The following ARK2N variants were observed in gnomAD, a reference collection of about 807,000 sequenced individuals.
The protein encoded by ARK2N is arkadia (RNF111) N-terminal like PKA signaling regulator 2N.
At chr18:46,175,278 C>G in the ARK2N span, among the ~76,000 whole-genome samples, 2 of 152,092 alleles carry the variant, frequency 1.3e-5, no homozygotes, top group African/African-American at 4.8e-5. Context: ...TCCTCTTACC[C>G]AGTAGAATTA....
chr18:46,229,077 T>G, the ARK2N span, among the ~76,000 whole-genome samples: 1 of 152,152 alleles, frequency 6.6e-6, no homozygotes, highest in Non-Finnish European at 1.5e-5. Context: ...TTTCCTAAAG[T>G]AAAATTTGAC....
chr18:46,250,491 T>TACACACACAC, the ARK2N span, among the ~76,000 whole-genome samples: 492 of 129,752 alleles, frequency 3.8e-3, 11 homozygotes, highest in African/African-American at 0.012. Context: ...CCTCCATTCG[T>TACACACACAC]ACACACACAC....
chr18:46,245,652 T>C, the ARK2N span, among the ~76,000 whole-genome samples: 7 of 152,036 alleles, frequency 4.6e-5, no homozygotes, highest in Non-Finnish European at 8.8e-5. Flanking sequence ...TAGTGACTTA[T>C]TTTTTTATTT....
the ARK2N span, among the ~76,000 whole-genome samples, chr18:46,176,606 C>T: frequency 6.6e-6 from 1 of 151,628 alleles, no homozygotes; most frequent in South Asian, 2.1e-4. Context: ...AGGCTCACGC[C>T]ACCACACTCA....
At chr18:46,262,926 C>T in the ARK2N span, 3 of 1,612,798 alleles carry the variant, frequency 1.9e-6, no homozygotes, top group East Asian at 2.2e-5. Context: ...ATCTCAATTG[C>T]AGGTGTGTTC....
the ARK2N span, among the ~76,000 whole-genome samples, chr18:46,178,623 T>C: frequency 1.3e-5 from 2 of 152,212 alleles, no homozygotes; most frequent in African/African-American, 4.8e-5. Flanking sequence ...ACATAACTTT[T>C]TAAAGATTTT....
chr18:46,230,597 A>G, the ARK2N span, among the ~76,000 whole-genome samples: 1 of 152,158 alleles, frequency 6.6e-6, no homozygotes, highest in African/African-American at 2.4e-5. Flanking sequence ...CCATATCCGG[A>G]CTATTGTATC....
chr18:46,185,173 G>A, the ARK2N span, among the ~76,000 whole-genome samples: 1 of 152,212 alleles, frequency 6.6e-6, no homozygotes, highest in African/African-American at 2.4e-5. Context: ...ACAAATATCA[G>A]ATATTGATTA....
chr18:46,215,705 G>C, the ARK2N span: 3 of 549,994 alleles, frequency 5.5e-6, no homozygotes, highest in Admixed American at 3.2e-5. Context: ...TATTTTAAAG[G>C]CCTGTGTAAT....
At chr18:46,242,156 C>T in the ARK2N span, among the ~76,000 whole-genome samples, 1 of 152,138 alleles carries the variant, frequency 6.6e-6, no homozygotes, top group African/African-American at 2.4e-5. Context: ...CATCCTTTGG[C>T]AATTAAGTCA....
At chr18:46,194,478 G>T in the ARK2N span, among the ~76,000 whole-genome samples, 103,705 of 148,078 alleles carry the variant, frequency 0.7, 36,345 homozygotes, top group Non-Finnish European at 0.75. Context: ...TTTTTTTTTT[G>T]TTTGTTTTTT....
chr18:46,248,123 AGATGGCAGTGAAACGGTAACCTCCT>A, the ARK2N span, among the ~76,000 whole-genome samples: 1 of 152,238 alleles, frequency 6.6e-6, no homozygotes, highest in Non-Finnish European at 1.5e-5. Context: ...TGGAGTCAGT[AGATGGCAGTGAAACGGTAACCTCCT>A]GGAAGGCACT....
chr18:46,176,351 AT>A, the ARK2N span, among the ~76,000 whole-genome samples: 1 of 151,744 alleles, frequency 6.6e-6, no homozygotes, highest in African/African-American at 2.4e-5. Flanking sequence ...GATCTTCCTC[AT>A]TTTCCTGCAC....
the ARK2N span, among the ~76,000 whole-genome samples, chr18:46,226,230 T>C: frequency 6.6e-6 from 1 of 152,244 alleles, no homozygotes; most frequent in South Asian, 2.1e-4. Context: ...GCTATGTGCC[T>C]ACTATGCAAG....
the ARK2N span, among the ~76,000 whole-genome samples, chr18:46,187,055 T>G: frequency 1.3e-5 from 2 of 151,072 alleles, no homozygotes; most frequent in South Asian, 4.2e-4. Context: ...GGTTTCTCCA[T>G]GTTGGTCAGA....
At chr18:46,211,632 G>C in the ARK2N span, among the ~76,000 whole-genome samples, 1 of 152,186 alleles carries the variant, frequency 6.6e-6, no homozygotes, top group Non-Finnish European at 1.5e-5. Context: ...GGGTGTGGCA[G>C]GTGGACGAGA....
the ARK2N span, among the ~76,000 whole-genome samples, chr18:46,228,568 A>G: frequency 6.6e-6 from 1 of 152,058 alleles, no homozygotes; most frequent in African/African-American, 2.4e-5. Flanking sequence ...AGTGGAATGG[A>G]ATTAACAAAC....
At chr18:46,204,684 G>A in the ARK2N span, among the ~76,000 whole-genome samples, 1 of 152,162 alleles carries the variant, frequency 6.6e-6, no homozygotes, top group African/African-American at 2.4e-5. Flanking sequence ...AAGAATGCTA[G>A]CAGTTAGAAT....
the ARK2N span, among the ~76,000 whole-genome samples, chr18:46,260,980 A>T: frequency 1.3e-5 from 2 of 152,178 alleles, no homozygotes; most frequent in African/African-American, 2.4e-5. Flanking sequence ...AGCAATACAG[A>T]TAAACAATTG....
Sources: gnomAD v4.1 joint callset for allele counts (sites outside exome capture counted in the v4.1 genomes callset) on GRCh38, gnomAD v4.1.1 for gene constraint, MANE v1.5 for transcripts, NCBI Gene and HGNC (gene_info 2026-07-23, HGNC 2026-07-21) for gene names.